Variants in IFIT1B observed in about 807,000 individuals in gnomAD.
IFIT1B encodes the protein interferon induced protein with tetratricopeptide repeats 1B.
Under a neutral mutation model 2.5 loss-of-function variants are expected in IFIT1B, and 3 were observed. That is an observed-to-expected ratio of 1.21 (90% CI 0.55 to 3.14). The LOEUF is 3.14. Among genes scored for constraint, IFIT1B ranks in the 30% most tolerant of loss-of-function variants. IFIT1B has a pLI of 0.03. For missense variants in IFIT1B, 545 were observed against 556.5 expected (o/e 0.98, Z 0.21); for synonymous variants, 196 against 203.0 (o/e 0.97, Z 0.29).
chr10:89,381,408 A>G (rs555212571), intron 1 of IFIT1B, among the ~76,000 whole-genome samples: 24 of 152,280 alleles, frequency 1.6e-4, no homozygotes, highest in African/African-American at 5.8e-4. Flanking sequence ...TATGTCCCAC[A>G]CACACCCCCA....
intron 1 of IFIT1B, 36 bp downstream of exon 1, chr10:89,378,176 G>T (rs1381852540): frequency 6.2e-7 from 1 of 1,610,908 alleles, no homozygotes; most frequent in Non-Finnish European, 8.5e-7. Flanking sequence ...CCTTATTTCT[G>T]CACACTTTGA....
chr10:89,380,563 C>T (rs981520951), intron 1 of IFIT1B, among the ~76,000 whole-genome samples: 2 of 151,890 alleles, frequency 1.3e-5, no homozygotes, highest in East Asian at 1.9e-4. Context: ...CAGCCCAAGT[C>T]GCTGGGACTA....
intron 1 of IFIT1B, among the ~76,000 whole-genome samples, chr10:89,379,605 G>C (rs1844147094): frequency 6.6e-6 from 1 of 152,160 alleles, no homozygotes; most frequent in Admixed American, 6.6e-5. Flanking sequence ...AGAAAAAGGG[G>C]CTGCTCTTTT....
intron 1 of IFIT1B, 87 bp from the exon 2 acceptor site, chr10:89,383,232 C>G (rs1844176358): frequency 1.7e-6 from 2 of 1,151,238 alleles, no homozygotes; most frequent in Non-Finnish European, 2.5e-6. Flanking sequence ...TAGGATAGAG[C>G]ATATTTGACT....
intron 1 of IFIT1B, among the ~76,000 whole-genome samples, chr10:89,382,661 C>T (rs1289266737): frequency 6.6e-6 from 1 of 152,216 alleles, no homozygotes; most frequent in African/African-American, 2.4e-5. Flanking sequence ...TCATTCATGC[C>T]TCTTCTTCTG....
Position 89,384,004 on chromosome 10 carries a change from G to C in IFIT1B, c.691G>C (p.Gly231Arg). The change falls in exon 2 of 2, where the codon GGA becomes CGA. Residue 231 changes from glycine (G) to arginine (R), a missense_variant. Coordinates refer to ENST00000371809, the MANE Select transcript of IFIT1B (RefSeq NM_001010987.2). ...CCTTGCCCTGAAGCTTCAGGATGAA[G>C]GACAGGAAGCTGAAGGAGAAAAGTA... is the stretch of plus-strand genomic sequence containing the variant. ...VLLALKLQDE[G>R]QEAEGEKYIE... is the part of the protein sequence containing the mutation. 4 of 1,614,214 alleles carry C rather than the reference G, an allele frequency of 2.5e-6. No homozygotes were observed. The highest frequency in any genetic ancestry group is 3.4e-6 in the Non-Finnish European group (4 of 1,180,030).
At chr10:89,381,985 G>C (rs1354795977) in intron 1 of IFIT1B, among the ~76,000 whole-genome samples, 2 of 152,004 alleles carry the variant, frequency 1.3e-5, no homozygotes, top group African/African-American at 4.8e-5. Context: ...GCCCAGGCTA[G>C]TTTTGAACTC....
Position 89,384,024 on chromosome 10 carries a change from A to G in IFIT1B, c.711A>G (p.Glu237=). The G allele has an allele frequency of 6.2e-7, 1 of 1,614,230 alleles. No individual in the cohort carries two copies. Among genetic ancestry groups the G allele is most frequent in the South Asian group, 1.1e-5 (1 of 91,084 alleles). The change falls in exon 2 of 2, where the codon GAA becomes GAG. Residue 237 remains glutamate, a synonymous_variant. Transcript: ENST00000371809. ...LQDEGQEAEG[E]KYIEEALTSI... is the part of the protein sequence containing the mutation. ...ATGAAGGACAGGAAGCTGAAGGAGA[A>G]AAGTACATTGAAGAAGCTCTGACCA... is the stretch of plus-strand genomic sequence containing the variant.
rs777499902 is a variant in IFIT1B at position 89,383,925 on chromosome 10, C to A, written c.612C>A (p.His204Gln). 2 of 1,614,152 alleles carry A rather than the reference C, an allele frequency of 1.2e-6. No individual in the cohort carries two copies. Among genetic ancestry groups the A allele is most frequent in the East Asian group, 2.2e-5 (1 of 44,890 alleles). Residue 204 changes from histidine to glutamine, a missense_variant, in exon 2 of 2, where the codon CAC (histidine) becomes CAA (glutamine). Transcript: ENST00000371809. ...ASGRNKAFSL[H>Q]VLKRAVRLNP... ...GGAGGAATAAGGCATTTTCTCTGCA[C>A]GTCCTAAAACGAGCTGTCAGGCTAA...
chr10:89,384,528 T>C lies in IFIT1B; in HGVS notation c.1215T>C (p.Gly405=), dbSNP rs143558331. 1.7e-5 allele frequency: 27 copies of C among 1,613,944 alleles called. No individual in the cohort carries two copies. The highest frequency in any genetic ancestry group is 1.2e-4 in the South Asian group (11 of 91,084). The change falls in exon 2 of 2, where the codon GGT becomes GGC. Residue 405 remains glycine, a synonymous_variant. Transcript: ENST00000371809. The stretch of plus-strand genomic sequence containing the variant: ...AAGCAATTACCCATTATTTAAAAGG[T>C]TTGAAAATAGAAAAAATGTCCCATT... The part of the protein sequence containing the change: ...QDKAITHYLK[G]LKIEKMSHSR...
At position 89,378,068 on chromosome 10, in the gene IFIT1B, A is replaced by T; in HGVS notation, c.-68A>T. On this transcript the variant is annotated 5_prime_UTR_variant, in exon 1 of 2. An upstream start codon of the reference 5' UTR is lost. Transcript: ENST00000371809. ...TCTGAGAAGCCCTAGAACTCTGTGGATGAACCTTGAAGGAGCCTCCAAGCC... is the reference window on the plus strand; with the variant it reads ...TCTGAGAAGCCCTAGAACTCTGTGGTTGAACCTTGAAGGAGCCTCCAAGCC... The T allele has an allele frequency of 1.9e-6, 3 of 1,571,428 alleles. No homozygotes were observed. The highest frequency in any genetic ancestry group is 2.6e-6 in the Non-Finnish European group (3 of 1,141,998).
Position 89,384,711 on chromosome 10 carries a change from G to A in IFIT1B, c.1398G>A (p.Leu466=). Residue 466 remains leucine, a synonymous_variant, in exon 2 of 2, where the codon CTG becomes CTA. Coordinates refer to ENST00000371809, the MANE Select transcript of IFIT1B (RefSeq NM_001010987.2). ...ALLCYERALR[L]AADLNPIF ...TGTGCTATGAGAGGGCTCTGAGGCTGGCTGCTGACCTGAACCCTATATTTT... is the reference window on the plus strand; with the variant it reads ...TGTGCTATGAGAGGGCTCTGAGGCTAGCTGCTGACCTGAACCCTATATTTT... The A allele has an allele frequency of 6.2e-7, 1 of 1,613,580 alleles. No individual in the cohort carries two copies. Among genetic ancestry groups the A allele is most frequent in the East Asian group, 2.2e-5 (1 of 44,874 alleles).
Position 89,383,440 on chromosome 10 carries a change from A to T in IFIT1B, c.127A>T (p.Ile43Phe), listed in dbSNP as rs1441336991. ...TTTAGAAAACAGGATCTGGGAAGAG[A>T]TTCAGTTCCTGGACACCAAATACAA... Reference protein sequence around the residue: ...PDLENRIWEEIQFLDTKYNVG... With the variant: ...PDLENRIWEEFQFLDTKYNVG... The change falls in exon 2 of 2, where the codon ATT becomes TTT. Residue 43 changes from isoleucine to phenylalanine, a missense_variant. By Grantham distance (21) the Ile-to-Phe change is conservative. Transcript: ENST00000371809. 1 of 1,614,102 alleles carries T rather than the reference A, an allele frequency of 6.2e-7. No individual in the cohort carries two copies. Among genetic ancestry groups the T allele is most frequent in the Admixed American group, 1.7e-5 (1 of 60,002 alleles).
chr10:89,384,347 A>C lies in IFIT1B; in HGVS notation c.1034A>C (p.Asp345Ala), dbSNP rs750652982. ...CGAACATTTGAGATGGCCTATGTTG[A>C]CCTGGCTGAAACGTATGCAGAAATA... ...LKRTFEMAYV[D>A]LAETYAEIGH... Residue 345 changes from aspartate (D) to alanine (A), a missense_variant, in exon 2 of 2, where the codon GAC (aspartate) becomes GCC (alanine). Coordinates refer to ENST00000371809, the MANE Select transcript of IFIT1B (RefSeq NM_001010987.2). 32 of 1,614,054 alleles carry C rather than the reference A, an allele frequency of 2.0e-5. No homozygotes were observed. Among genetic ancestry groups the C allele is most frequent in the Non-Finnish European group, 2.6e-5 (31 of 1,180,026 alleles).
chr10:89,383,728 C>T lies in IFIT1B; in HGVS notation c.415C>T (p.Pro139Ser). Residue 139 changes from proline to serine, a missense_variant, in exon 2 of 2, where the codon CCA becomes TCA. Coordinates refer to ENST00000371809, the MANE Select transcript of IFIT1B (RefSeq NM_001010987.2). ...ANPSRYRMEC[P>S]EVDCEEGWAL... is the part of the protein sequence containing the mutation. ...TCCTTCCCGCTATAGAATGGAGTGT[C>T]CAGAGGTGGACTGTGAGGAAGGATG... 6.2e-7 allele frequency: 1 copy of T among 1,614,128 alleles called. No homozygotes were observed. The highest frequency in any genetic ancestry group is 8.5e-7 in the Non-Finnish European group (1 of 1,180,034).
chr10:89,383,489 C>A lies in IFIT1B; in HGVS notation c.176C>A (p.Ala59Asp). The change falls in exon 2 of 2, where the codon GCC (alanine) becomes GAC (aspartate). Residue 59 changes from alanine (A) to aspartate (D), a missense_variant. By Grantham distance (126) the Ala-to-Asp change is moderately radical (BLOSUM62 -2). Transcript: ENST00000371809. ...AATGTGGGAATACACAACCTACTAG[C>A]CTATGTGAAACACCTGAAAGGCCAG... ...KYNVGIHNLL[A>D]YVKHLKGQNE... 1.9e-6 allele frequency: 3 copies of A among 1,614,192 alleles called. No homozygotes were observed. Among genetic ancestry groups the A allele is most frequent in the Non-Finnish European group, 2.5e-6 (3 of 1,180,036 alleles).
chr10:89,379,574 G>A (rs891231181), intron 1 of IFIT1B, among the ~76,000 whole-genome samples: 1 of 152,168 alleles, frequency 6.6e-6, no homozygotes, highest in African/African-American at 2.4e-5. Flanking sequence ...GTTGCAGTCA[G>A]TGGGAGAGGA....
intron 1 of IFIT1B, among the ~76,000 whole-genome samples, 185 bp from the exon 2 acceptor site, chr10:89,383,134 C>T (rs924141834): frequency 6.6e-6 from 1 of 152,166 alleles, no homozygotes; most frequent in Admixed American, 6.5e-5. Flanking sequence ...ATTAGCATTT[C>T]CCCTTGGTTT....
At chr10:89,381,544 C>CAAGGATGGAGTGGATGGAGA (rs1375213335) in intron 1 of IFIT1B, among the ~76,000 whole-genome samples, 1 of 152,100 alleles carries the variant, frequency 6.6e-6, no homozygotes, top group Non-Finnish European at 1.5e-5. Context: ...TCATATTCCA[C>CAAGGATGGAGTGGATGGAGA]AGACTCAAGG....
Sources: allele counts gnomAD v4.1 joint callset (sites outside exome capture counted in the v4.1 genomes callset), GRCh38; gene constraint gnomAD v4.1.1; transcripts MANE v1.5; gene names NCBI Gene and HGNC (gene_info 2026-07-23, HGNC 2026-07-21).